MRPL13: variants seen among roughly 807,000 people sequenced by gnomAD.
The protein encoded by MRPL13 is mitochondrial ribosomal protein L13.
In MRPL13, 33 loss-of-function variants were observed where a neutral mutation model predicts 29.0. That is an observed-to-expected ratio of 1.14 (90% confidence interval 0.86 to 1.52). MRPL13 has a LOEUF of 1.52. Among genes scored for constraint, MRPL13 ranks in the 40% most tolerant of loss-of-function variants. The probability of loss-of-function intolerance (pLI) is 0.00; values close to 1 mark genes in which losing one functional copy is unlikely to be tolerated. For missense variants in MRPL13, 227 were observed against 216.7 expected (o/e 1.05, Z -0.30); for synonymous variants, 77 against 68.4 (o/e 1.13, Z -0.62).
intron 2 of MRPL13, among the ~76,000 whole-genome samples, chr8:120,436,161 G>A (rs1163769721): frequency 2.6e-5 from 4 of 152,052 alleles, no homozygotes; most frequent in Non-Finnish European, 4.4e-5. Context: ...GGTTTTTCAT[G>A]AACTTAATTT....
chr8:120,444,399 C>T (rs1302314028), intron 1 of MRPL13, among the ~76,000 whole-genome samples: 2 of 152,140 alleles, frequency 1.3e-5, no homozygotes, highest in African/African-American at 4.8e-5. Context: ...CAGTTGATGA[C>T]ACACCCTCCA....
At chr8:120,429,455 T>A (rs1812972577) in intron 3 of MRPL13, among the ~76,000 whole-genome samples, 2 of 150,788 alleles carry the variant, frequency 1.3e-5, no homozygotes, top group African/African-American at 4.9e-5. Context: ...CAAGTTTACT[T>A]ATGTAACAAA....
At chr8:120,427,114 G>A (rs1252794745) in intron 3 of MRPL13, among the ~76,000 whole-genome samples, 1 of 152,030 alleles carries the variant, frequency 6.6e-6, no homozygotes, top group Non-Finnish European at 1.5e-5. Context: ...TACAGTAAAT[G>A]ACATAAAAAT....
In MRPL13 at chr8:120,398,936, AACAC is replaced by A. The variant is rs113704349; in HGVS notation, c.516-2815_516-2812del. The stretch of plus-strand genomic sequence containing the variant: ...AGACAATAATACACACACACACACA[AACAC>A]ACACACACACACACAGAATGAAAAG... On this transcript the variant is annotated intron_variant, in intron 6 of 6. Transcript: ENST00000306185. Among the ~76,000 whole-genome samples the A allele has an allele frequency of 2.0e-5, 3 of 149,388 alleles. No individual in the cohort carries two copies. In the East Asian group the frequency reaches 5.9e-4, roughly 29 times the overall value.
At chr8:120,430,652 G>A (rs1812987275) in intron 3 of MRPL13, among the ~76,000 whole-genome samples, 1 of 152,114 alleles carries the variant, frequency 6.6e-6, no homozygotes, top group South Asian at 2.1e-4. Context: ...CACATGCAAA[G>A]GCAGAAAGGA....
intron 6 of MRPL13, among the ~76,000 whole-genome samples, chr8:120,405,455 C>T (rs988145513): frequency 2.0e-5 from 3 of 152,160 alleles, no homozygotes; most frequent in African/African-American, 7.2e-5. Context: ...GAGGGGCTCA[C>T]GATTTGGCAA....
intron 1 of MRPL13, among the ~76,000 whole-genome samples, chr8:120,444,308 G>C (rs909650678): frequency 3.9e-5 from 6 of 152,152 alleles, no homozygotes. Context: ...ACTGAGTTGA[G>C]AGTCATCTTA....
intron 6 of MRPL13, among the ~76,000 whole-genome samples, chr8:120,406,555 ATG>A (rs72150915): frequency 0.065 from 9,531 of 147,076 alleles, 445 homozygotes; most frequent in East Asian, 0.19. Flanking sequence ...ATATGTGTGC[ATG>A]TGTGTGTGTG....
chr8:120,431,960 T>C, intron 3 of MRPL13, 70 bp downstream of exon 3: 2 of 1,079,206 alleles, frequency 1.9e-6, no homozygotes, highest in Non-Finnish European at 1.3e-6. Context: ...TTCTTTTAAG[T>C]AAGAACAACT....
At chr8:120,421,801 A>C (rs1357709952) in intron 4 of MRPL13, among the ~76,000 whole-genome samples, 1 of 151,890 alleles carries the variant, frequency 6.6e-6, no homozygotes, top group Non-Finnish European at 1.5e-5. Flanking sequence ...CATGAAAGTT[A>C]TACTATACTG....
intron 6 of MRPL13, among the ~76,000 whole-genome samples, chr8:120,409,158 A>G (rs1186607695): frequency 2.6e-5 from 4 of 152,184 alleles, no homozygotes; most frequent in Non-Finnish European, 5.9e-5. Flanking sequence ...TCAAGCATGT[A>G]TTGATGCTGA....
chr8:120,440,054 C>T (rs1381883976), intron 2 of MRPL13, among the ~76,000 whole-genome samples: 2 of 152,094 alleles, frequency 1.3e-5, no homozygotes, highest in Admixed American at 6.5e-5. Context: ...TGTACAAAAC[C>T]GGCAAAATTT....
At chr8:120,444,956 C>T in intron 1 of MRPL13, 112 bp downstream of exon 1, 2 of 1,441,886 alleles carry the variant, frequency 1.4e-6, no homozygotes, top group Non-Finnish European at 1.9e-6. Flanking sequence ...ACCTCTTGGC[C>T]GAGGGTCTCG....
At chr8:120,440,519 T>C (rs1447414442) in intron 2 of MRPL13, among the ~76,000 whole-genome samples, 1 of 150,074 alleles carries the variant, frequency 6.7e-6, no homozygotes, top group Non-Finnish European at 1.5e-5. Context: ...GCAGGAGAAA[T>C]GCTTGAACCC....
At chr8:120,436,392 T>A (rs1273886724) in intron 2 of MRPL13, among the ~76,000 whole-genome samples, 2 of 152,176 alleles carry the variant, frequency 1.3e-5, no homozygotes, top group East Asian at 3.8e-4. Flanking sequence ...TAGTATTATC[T>A]CACTGCGGTT....
At chr8:120,435,493 G>C (rs1473246154) in intron 2 of MRPL13, among the ~76,000 whole-genome samples, 2 of 151,996 alleles carry the variant, frequency 1.3e-5, no homozygotes, top group African/African-American at 4.8e-5. Flanking sequence ...GTTTACTTAG[G>C]ATTATGGCCT....
intron 6 of MRPL13, 151 bp downstream of exon 6, chr8:120,413,840 A>C: frequency 5.0e-6 from 5 of 995,950 alleles, no homozygotes; most frequent in Non-Finnish European, 6.7e-6. Context: ...ACCTACATCT[A>C]GAGTTTATTT....
chr8:120,425,727 C>T (rs1441790939), intron 3 of MRPL13, among the ~76,000 whole-genome samples: 5 of 151,964 alleles, frequency 3.3e-5, no homozygotes, highest in African/African-American at 7.3e-5. Flanking sequence ...TTAGATAAAC[C>T]GTATAAACTA....
chr8:120,430,643 A>C (rs576086658), intron 3 of MRPL13, among the ~76,000 whole-genome samples: 2 of 152,284 alleles, frequency 1.3e-5, no homozygotes, highest in East Asian at 3.9e-4. Flanking sequence ...GGGGAACAAC[A>C]CATGCAAAGG....
Sources: allele counts gnomAD v4.1 joint callset (sites outside exome capture counted in the v4.1 genomes callset), GRCh38; gene constraint gnomAD v4.1.1; transcripts MANE v1.5; gene names NCBI Gene and HGNC (gene_info 2026-07-23, HGNC 2026-07-21).